SCEL: variants seen among roughly 807,000 people sequenced by gnomAD.
SCEL encodes the protein sciellin.
SCEL carries 113 observed loss-of-function variants against 117.6 expected under a neutral mutation model. The observed-to-expected ratio is 0.96, with a 90% confidence interval of 0.83 to 1.12. The LOEUF is 1.12. Ranked by LOEUF, SCEL falls within the 50% of genes most tolerant of loss-of-function variation. SCEL has a pLI of 0.00. For synonymous variants in SCEL, 270 were observed against 256.2 expected (o/e 1.05, Z -0.51); for missense variants, 785 against 810.8 (o/e 0.97, Z 0.39).
At chr13:77,632,543 G>A (rs986636628) in intron 28 of SCEL, among the ~76,000 whole-genome samples, 3 of 152,108 alleles carry the variant, frequency 2.0e-5, no homozygotes, top group African/African-American at 4.8e-5. Context: ...AAAACCAGAC[G>A]GTTTTCTGTA....
At position 77,572,189 on chromosome 13, in the gene SCEL, G is replaced by T; in HGVS notation, c.545G>T (p.Arg182Leu). The T allele has an allele frequency of 8.1e-6, 13 of 1,609,740 alleles. No individual in the cohort carries two copies. The highest frequency in any genetic ancestry group is 1.1e-5 in the Non-Finnish European group (13 of 1,177,012). The change falls in exon 9 of 33, where the codon CGG becomes CTG. Residue 182 changes from arginine (R) to leucine (L), a missense_variant and splice_region_variant. By Grantham distance (102) the Arg-to-Leu change is moderately radical (BLOSUM62 -2). Coordinates refer to ENST00000349847, the MANE Select transcript of SCEL (RefSeq NM_144777.3). ...TCCTCGAGCACAGGAACCAGGAGAC[G>T]GTAAGGGAAAGGTGTCAGGCGTAAT... ...NASSSTGTRR[R>L]EPGVHPPIPP...
chr13:77,634,154 A>G (rs1026542512), intron 28 of SCEL, among the ~76,000 whole-genome samples: 31 of 152,250 alleles, frequency 2.0e-4, no homozygotes, highest in Non-Finnish European at 4.1e-4. Context: ...AAGTTTTGTA[A>G]CAATGCTTAG....
In SCEL at chr13:77,612,953, A is replaced by G; in HGVS notation, c.1388+12A>G. ...TCAGCAAACAAAAGGTAAACTTATTAAGATAATTGAAGACTTCTTAGCAAG... is the reference window on the plus strand; with the variant it reads ...TCAGCAAACAAAAGGTAAACTTATTGAGATAATTGAAGACTTCTTAGCAAG... On this transcript the variant is annotated intron_variant, in intron 23 of 32. Coordinates refer to ENST00000349847, the MANE Select transcript of SCEL (RefSeq NM_144777.3). 3 of 1,488,324 alleles carry G rather than the reference A, an allele frequency of 2.0e-6. No individual in the cohort carries two copies. Among genetic ancestry groups the G allele is most frequent in the Non-Finnish European group, 2.8e-6 (3 of 1,089,988 alleles). The allele number at this position is 1,488,324 out of a possible 1,614,324, so 92.2% of individuals were successfully genotyped here. A position where few individuals can be genotyped will look rare whatever the true frequency, so the allele number is the denominator to read the frequency against.
rs775210985 is a variant in SCEL at position 77,599,678 on chromosome 13, T to C, written c.858-11T>C. On this transcript the variant is annotated splice_polypyrimidine_tract_variant and intron_variant, in intron 14 of 32. Coordinates refer to ENST00000349847, the MANE Select transcript of SCEL (RefSeq NM_144777.3). ...ATGCAGCCTTTTATGTGAATTTCTTTGTGTTTTCAGAGCCAAAAGCCTTGA... is the reference window on the plus strand; with the variant it reads ...ATGCAGCCTTTTATGTGAATTTCTTCGTGTTTTCAGAGCCAAAAGCCTTGA... 2.5e-6 allele frequency: 4 copies of C among 1,600,158 alleles called. No individual in the cohort carries two copies. Among genetic ancestry groups the C allele is most frequent in the Non-Finnish European group, 1.7e-6 (2 of 1,167,202 alleles).
intron 9 of SCEL, among the ~76,000 whole-genome samples, chr13:77,573,512 T>C (rs938170884): frequency 3.3e-5 from 5 of 152,232 alleles, no homozygotes; most frequent in African/African-American, 9.6e-5. Context: ...CATTTCCAAG[T>C]AATGGATATG....
chr13:77,585,099 T>C (rs1316047958), intron 9 of SCEL, among the ~76,000 whole-genome samples: 1 of 152,214 alleles, frequency 6.6e-6, no homozygotes, highest in African/African-American at 2.4e-5. Context: ...ACCCATTTCC[T>C]CCCTGCCAAA....
chr13:77,559,971 C>A, intron 4 of SCEL, 108 bp downstream of exon 4: 1 of 933,232 alleles, frequency 1.1e-6, no homozygotes, highest in Admixed American at 1.9e-5. Context: ...TGGGCTTTCC[C>A]CGATGTTCTG....
chr13:77,563,959 A>G (rs1391322300), intron 5 of SCEL, 60 bp downstream of exon 5: 2 of 1,191,582 alleles, frequency 1.7e-6, no homozygotes, highest in African/African-American at 1.6e-5. Context: ...ATTTTCTAAT[A>G]AAGTTATGAA....
At chr13:77,560,977 G>A (rs2084946246) in intron 4 of SCEL, among the ~76,000 whole-genome samples, 1 of 149,276 alleles carries the variant, frequency 6.7e-6, no homozygotes, top group African/African-American at 2.6e-5. Flanking sequence ...CTGTTTTAAG[G>A]GTGCTGAGCT....
At chr13:77,614,189 T>C (rs553113459) in intron 24 of SCEL, among the ~76,000 whole-genome samples, 43 of 152,242 alleles carry the variant, frequency 2.8e-4, no homozygotes, top group African/African-American at 1.0e-3. Context: ...AGCAGAGCGA[T>C]TGGACAAATG....
At chr13:77,644,222 A>G in intron 32 of SCEL, 36 bp from the exon 33 acceptor site, 1 of 1,611,720 alleles carries the variant, frequency 6.2e-7, no homozygotes, top group East Asian at 2.2e-5. Flanking sequence ...TTGTTTCTGT[A>G]CTGAATTTGC....
chr13:77,638,458 A>C (rs927370361), intron 30 of SCEL, among the ~76,000 whole-genome samples: 4 of 152,240 alleles, frequency 2.6e-5, no homozygotes, highest in African/African-American at 9.6e-5. Context: ...TAGTACCAAC[A>C]TCAGTGCATT....
chr13:77,545,740 A>G (rs1238674996), intron 1 of SCEL, among the ~76,000 whole-genome samples: 2 of 152,230 alleles, frequency 1.3e-5, no homozygotes, highest in African/African-American at 4.8e-5. Flanking sequence ...CTAAGAGAAG[A>G]AGAGAGCAGC....
At chr13:77,568,171 T>A in intron 6 of SCEL, 124 bp from the exon 7 acceptor site, 2 of 639,790 alleles carry the variant, frequency 3.1e-6, no homozygotes, top group Non-Finnish European at 5.4e-6. Context: ...TAAAATATGA[T>A]GCTTTCTATT....
At chr13:77,637,722 T>C (rs1332723076) in intron 30 of SCEL, among the ~76,000 whole-genome samples, 1 of 152,092 alleles carries the variant, frequency 6.6e-6, no homozygotes, top group Non-Finnish European at 1.5e-5. Flanking sequence ...GTGCCATCAA[T>C]CCCCCCTTCT....
At chr13:77,639,515 A>C (rs1232774943) in intron 30 of SCEL, among the ~76,000 whole-genome samples, 2 of 152,082 alleles carry the variant, frequency 1.3e-5, no homozygotes, top group Non-Finnish European at 2.9e-5. Flanking sequence ...GTTCCTGGGT[A>C]CGACTAACTC....
At chr13:77,569,155 T>C (rs907679500) in intron 7 of SCEL, among the ~76,000 whole-genome samples, 11 of 152,266 alleles carry the variant, frequency 7.2e-5, no homozygotes, top group African/African-American at 2.7e-4. Context: ...TTCTTTATTC[T>C]ATTCCTTTAG....
At chr13:77,539,724 T>A (rs769673680) in intron 1 of SCEL, among the ~76,000 whole-genome samples, 1 of 151,974 alleles carries the variant, frequency 6.6e-6, no homozygotes, top group South Asian at 2.1e-4. Flanking sequence ...TTAGTAGAGA[T>A]GAGGTTTCAC....
At position 77,638,590 on chromosome 13, in the gene SCEL, G is replaced by A. The variant is rs375980746; in HGVS notation, c.1838+1396G>A. Among the ~76,000 whole-genome samples the A allele has an allele frequency of 6.7e-4, 102 of 152,270 alleles. 1 individual carries two copies. The South Asian group carries it at 0.02, about 30-fold the overall frequency. On this transcript the variant is annotated intron_variant, in intron 30 of 32. Transcript: ENST00000349847. ...TTTGAAATTTTTCCTAGTCATCAGC[G>A]CAGAAGTCAGTTCTCCATGAGACCA...
Sources: allele counts gnomAD v4.1 joint callset (sites outside exome capture counted in the v4.1 genomes callset), GRCh38; gene constraint gnomAD v4.1.1; transcripts MANE v1.5; gene names NCBI Gene and HGNC (gene_info 2026-07-23, HGNC 2026-07-21).